The following CHN1 variants were observed in gnomAD, a reference collection of about 807,000 sequenced individuals.
The protein encoded by CHN1 is N-chimaerin.
In CHN1, 37 loss-of-function variants were observed where a neutral mutation model predicts 59.5. The observed-to-expected ratio is 0.62, with a 90% CI of 0.48 to 0.82. The LOEUF (loss-of-function observed/expected upper bound fraction) is 0.82. Among genes scored for constraint, CHN1 ranks in the 40% least tolerant of loss-of-function variants. CHN1 has a pLI of 0.00. For missense variants in CHN1, 469 were observed against 571.0 expected (o/e 0.82, Z 1.82); for synonymous variants, 206 against 200.4 (o/e 1.03, Z -0.24).
intron 6 of CHN1, chr2:174,847,756 T>C (rs1349703273): frequency 1.7e-6 from 1 of 603,460 alleles, no homozygotes; most frequent in Non-Finnish European, 2.6e-6. Context: ...GTAAGTAAGT[T>C]TCTTGCTGGC....
intron 5 of CHN1, among the ~76,000 whole-genome samples, chr2:174,891,089 C>G (rs181292812): frequency 7.8e-6 from 1 of 127,670 alleles, no homozygotes; most frequent in Non-Finnish European, 1.5e-5. Context: ...TGCAGTGAGC[C>G]GAGATAGTGC....
chr2:174,962,707 C>T (rs1017189102), intron 1 of CHN1, among the ~76,000 whole-genome samples: 3 of 125,470 alleles, frequency 2.4e-5, no homozygotes, highest in Admixed American at 1.8e-4. Flanking sequence ...GTCAGGAGTT[C>T]GACACCAGCC....
At chr2:174,885,594 A>G (rs560702824) in intron 5 of CHN1, among the ~76,000 whole-genome samples, 155 of 152,102 alleles carry the variant, frequency 1.0e-3, no homozygotes, top group Non-Finnish European at 1.0e-3. Context: ...TCCCTGATTC[A>G]AGTAATCCCG....
intron 11 of CHN1, among the ~76,000 whole-genome samples, chr2:174,805,646 G>A (rs1254175949): frequency 6.6e-6 from 1 of 152,162 alleles, no homozygotes; most frequent in African/African-American, 2.4e-5. Context: ...AGGAGGGCCT[G>A]GAAGGATCTG....
intron 7 of CHN1, among the ~76,000 whole-genome samples, chr2:174,840,975 T>C (rs1487553968): frequency 6.6e-6 from 1 of 152,068 alleles, no homozygotes; most frequent in African/African-American, 2.4e-5. Context: ...AATACAGAGA[T>C]GCCAAATTTG....
rs1684987861 is a variant in CHN1 at position 174,808,888 on chromosome 2, C to T, written c.1102+17G>A. 10 of 1,612,782 alleles carry T rather than the reference C, an allele frequency of 6.2e-6. No homozygotes were observed. Among genetic ancestry groups the T allele is most frequent in the Non-Finnish European group, 8.5e-6 (10 of 1,179,222 alleles). On this transcript the variant is annotated intron_variant, in intron 11 of 12. Transcript: ENST00000409900. ...GGACGTTGTCAGGTTATTTGAAATA[C>T]ATGCATTCATACTTACTGGCAGATT...
intron 5 of CHN1, among the ~76,000 whole-genome samples, 174 bp downstream of exon 5, chr2:174,914,884 A>AGT (rs1688802876): frequency 6.6e-6 from 1 of 151,274 alleles, no homozygotes; most frequent in African/African-American, 2.4e-5. Flanking sequence ...TTAATTACTG[A>AGT]GTGTTACCAT....
intron 3 of CHN1, among the ~76,000 whole-genome samples, chr2:174,944,003 C>T (rs1689751156): frequency 6.6e-6 from 1 of 152,022 alleles, no homozygotes; most frequent in South Asian, 2.1e-4. Flanking sequence ...AAAGAGGGAC[C>T]ATACTTACTA....
chr2:174,844,615 T>C (rs193295006), intron 7 of CHN1, among the ~76,000 whole-genome samples: 1 of 152,296 alleles, frequency 6.6e-6, no homozygotes, highest in Admixed American at 6.5e-5. Context: ...TGTACATACA[T>C]AGATGTGTAT....
intron 1 of CHN1, among the ~76,000 whole-genome samples, chr2:174,974,554 A>G (rs192771178): frequency 6.6e-6 from 1 of 152,262 alleles, no homozygotes; most frequent in African/African-American, 2.4e-5. Context: ...ATAACAAAAA[A>G]ATGAATTTTT....
chr2:174,918,628 A>G (rs752293586), intron 3 of CHN1, 63 bp from the exon 4 acceptor site: 13 of 1,324,910 alleles, frequency 9.8e-6, no homozygotes, highest in Non-Finnish European at 1.4e-5. Flanking sequence ...ACATAACTCA[A>G]CATTTTGTGC....
intron 1 of CHN1, among the ~76,000 whole-genome samples, chr2:174,972,632 T>G (rs139103470): frequency 6.6e-6 from 1 of 152,086 alleles, no homozygotes; most frequent in African/African-American, 2.4e-5. Flanking sequence ...ACAATGGAAG[T>G]TGGAGCAAAG....
intron 11 of CHN1, 73 bp downstream of exon 11, chr2:174,808,832 A>G: frequency 6.6e-7 from 1 of 1,509,126 alleles, no homozygotes; most frequent in Non-Finnish European, 9.2e-7. Flanking sequence ...CATTCAAGTT[A>G]GCCAGAAAAC....
At chr2:174,885,438 G>A (rs541137444) in intron 5 of CHN1, among the ~76,000 whole-genome samples, 6 of 151,766 alleles carry the variant, frequency 4.0e-5, no homozygotes, top group Non-Finnish European at 8.9e-5. Context: ...TTAGTGTGAT[G>A]ACCTATATAA....
chr2:174,878,028 A>C lies in CHN1; in HGVS notation c.361T>G (p.Leu121Val), dbSNP rs1301608361. Residue 121 changes from leucine to valine, a missense_variant, in exon 6 of 13, where the codon TTG becomes GTG. By Grantham distance (32) the Leu-to-Val change is conservative. Coordinates refer to ENST00000409900, the MANE Select transcript of CHN1 (RefSeq NM_001822.7). ...TTGGTTTCAATATAGAGAGTAATCA[A>C]GCCATCAGTCACCAGATCGTGGATG... ...ESIHDLVTDGLITLYIETKAA... is the reference protein window; with the variant it reads ...ESIHDLVTDGVITLYIETKAA... 1.2e-6 allele frequency: 2 copies of C among 1,613,788 alleles called. No homozygotes were observed. Among genetic ancestry groups the C allele is most frequent in the African/African-American group, 1.3e-5 (1 of 74,916 alleles).
rs554684536 is a variant in CHN1, at chr2:174,921,968, C to T, written c.115-3403G>A. On this transcript the variant is annotated intron_variant, in intron 3 of 12. Coordinates refer to ENST00000409900, the MANE Select transcript of CHN1 (RefSeq NM_001822.7). ...AAATAATACTTTATCCCTCATGAAT[C>T]TTCTGTTATCTGTGAGGTTGTAGTC... Among the ~76,000 whole-genome samples the T allele has an allele frequency of 1.2e-4, 18 of 152,268 alleles. 1 individual carries two copies. The South Asian group carries it at 3.3e-3, about 28-fold the overall frequency.
intron 2 of CHN1, among the ~76,000 whole-genome samples, chr2:174,949,341 GAATA>G (rs996107172): frequency 5.9e-5 from 9 of 152,048 alleles, no homozygotes; most frequent in Non-Finnish European, 1.3e-4. Flanking sequence ...TAACATGAAT[GAATA>G]AATGAATGAG....
intron 1 of CHN1, among the ~76,000 whole-genome samples, chr2:174,962,611 G>C (rs1690446920): frequency 6.8e-6 from 1 of 146,580 alleles, no homozygotes; most frequent in African/African-American, 2.5e-5. Context: ...CTTTATCATG[G>C]TATGGCTGGG....
At chr2:174,920,408 T>A (rs1688982367) in intron 3 of CHN1, among the ~76,000 whole-genome samples, 1 of 152,142 alleles carries the variant, frequency 6.6e-6, no homozygotes, top group Non-Finnish European at 1.5e-5. Context: ...TTACGTAACT[T>A]ATTCAAGGTT....
Sources: allele counts gnomAD v4.1 joint callset (sites outside exome capture counted in the v4.1 genomes callset), GRCh38; gene constraint gnomAD v4.1.1; transcripts MANE v1.5; gene names NCBI Gene and HGNC (gene_info 2026-07-23, HGNC 2026-07-21).